Variants in MAD1L1 observed in about 807,000 individuals in gnomAD.
The protein encoded by MAD1L1 is mitotic spindle assembly checkpoint protein MAD1.
MAD1L1 carries 95 observed loss-of-function variants against 96.9 expected under a neutral mutation model. The ratio of observed to expected loss-of-function variants is 0.98; its 90% confidence interval spans 0.83 to 1.16. MAD1L1 has a LOEUF of 1.16. Ranked by LOEUF, MAD1L1 falls within the 50% of genes most tolerant of loss-of-function variation. The pLI is 0.00. For missense variants in MAD1L1, 1,007 were observed against 954.4 expected (o/e 1.06, Z -0.73); for synonymous variants, 473 against 396.6 (o/e 1.19, Z -2.29).
intron 14 of MAD1L1, among the ~76,000 whole-genome samples, chr7:1,982,878 T>C (rs1386248415): frequency 1.3e-5 from 2 of 152,192 alleles, no homozygotes; most frequent in African/African-American, 2.4e-5. Context: ...ATTACCCATA[T>C]ATTCCTATTT....
Position 1,936,908 on chromosome 7 carries a change from A to G in MAD1L1, c.1597-11T>C, listed in dbSNP as rs1422796526. On this transcript the variant is annotated splice_polypyrimidine_tract_variant and intron_variant, in intron 16 of 18. Coordinates refer to ENST00000265854, the MANE Select transcript of MAD1L1 (RefSeq NM_001013836.2). Reference sequence around the variant, plus strand: ...CTGGTCATAGTCACCCTGCAGGAACACACACAGCACAGGTCACCATGGCCC... The same window carrying G: ...CTGGTCATAGTCACCCTGCAGGAACGCACACAGCACAGGTCACCATGGCCC... 1 of 1,575,420 alleles carries G rather than the reference A, an allele frequency of 6.3e-7. No homozygotes were observed. Among genetic ancestry groups the G allele is most frequent in the Admixed American group, 1.8e-5 (1 of 55,294 alleles).
intron 18 of MAD1L1, among the ~76,000 whole-genome samples, chr7:1,859,124 C>T (rs909133308): frequency 1.5e-5 from 2 of 133,432 alleles, no homozygotes; most frequent in Non-Finnish European, 3.4e-5. Flanking sequence ...CCACACACAA[C>T]CCCACACGCA....
At chr7:1,817,617 G>A (rs1379003948) in intron 18 of MAD1L1, 2 of 152,286 alleles carry the variant, frequency 1.3e-5, no homozygotes, top group African/African-American at 2.4e-5. Flanking sequence ...GTGGAAATGT[G>A]CCACGGTTAG....
intron 14 of MAD1L1, among the ~76,000 whole-genome samples, chr7:1,987,545 T>C (rs1217224359): frequency 2.0e-5 from 3 of 151,046 alleles, no homozygotes; most frequent in African/African-American, 7.3e-5. Context: ...CATATCAGTA[T>C]TTAAGGGAAG....
intron 16 of MAD1L1, among the ~76,000 whole-genome samples, chr7:1,950,564 G>A (rs1473818486): frequency 6.6e-6 from 1 of 152,228 alleles, no homozygotes; most frequent in Non-Finnish European, 1.5e-5. Context: ...CAGAAGGGTT[G>A]GACAACAGTG....
intron 14 of MAD1L1, among the ~76,000 whole-genome samples, chr7:1,999,816 A>G (rs971033287): frequency 2.6e-5 from 4 of 152,174 alleles, no homozygotes; most frequent in African/African-American, 9.7e-5. Context: ...CGCCGGCCGC[A>G]GGGCCCAGGG....
At chr7:1,916,860 G>T (rs1263761622) in intron 17 of MAD1L1, among the ~76,000 whole-genome samples, 2 of 151,900 alleles carry the variant, frequency 1.3e-5, no homozygotes, top group South Asian at 2.1e-4. Context: ...CGACCCTGGC[G>T]CATCTCCCGA....
intron 18 of MAD1L1, among the ~76,000 whole-genome samples, chr7:1,897,783 G>A (rs963497774): frequency 5.3e-5 from 8 of 152,292 alleles, no homozygotes; most frequent in African/African-American, 1.4e-4. Flanking sequence ...CTGGGACTGC[G>A]CTGTCCCACT....
At chr7:2,079,819 C>T (rs1253534448) in intron 11 of MAD1L1, 1 of 464,368 alleles carries the variant, frequency 2.2e-6, no homozygotes, top group Admixed American at 2.4e-5. Context: ...ATGAGAACTG[C>T]AGAGACAAGG....
At chr7:1,897,108 G>C (rs923268678) in intron 18 of MAD1L1, among the ~76,000 whole-genome samples, 44 of 151,384 alleles carry the variant, frequency 2.9e-4, no homozygotes, top group African/African-American at 1.1e-3. Flanking sequence ...GTGCCCCCGT[G>C]CAGCGCAGGC....
chr7:1,829,214 C>T (rs150133051), intron 18 of MAD1L1, among the ~76,000 whole-genome samples: 113 of 152,362 alleles, frequency 7.4e-4, no homozygotes, highest in Non-Finnish European at 1.2e-3. Flanking sequence ...AGGCACCACC[C>T]GCATCAGCGC....
rs1475159298 is a variant in MAD1L1, at chr7:2,088,641, G to A, written c.1074-19303C>T. ...AGTGGCCATGAGCGAGAGGCAGCAA[G>A]GGGACGGGTGGAGGGAGTGCCATCT... On this transcript the variant is annotated intron_variant, in intron 11 of 18. Coordinates refer to ENST00000265854, the MANE Select transcript of MAD1L1 (RefSeq NM_001013836.2). This position sits in a 1 kb window ranked among gnomAD's most constrained non-coding sequence, Gnocchi z 4.4. Among the ~76,000 whole-genome samples the A allele has an allele frequency of 1.3e-5, 2 of 152,218 alleles. No individual in the cohort carries two copies. Among genetic ancestry groups the A allele is most frequent in the African/African-American group, 2.4e-5 (1 of 41,456 alleles).
chr7:1,863,746 TC>T (rs1273946655), intron 18 of MAD1L1, among the ~76,000 whole-genome samples: 2 of 152,106 alleles, frequency 1.3e-5, no homozygotes, highest in African/African-American at 4.8e-5. Flanking sequence ...CACCGTGGGC[TC>T]CCGTGCTCCT....
chr7:2,057,867 A>G (rs17132109), intron 12 of MAD1L1, among the ~76,000 whole-genome samples: 19,980 of 152,194 alleles, frequency 0.13, 1,890 homozygotes, highest in African/African-American at 0.26. Context: ...TGGATTACCA[A>G]AGCGCCCGTC....
intron 14 of MAD1L1, among the ~76,000 whole-genome samples, chr7:1,981,580 C>A (rs1273104591): frequency 1.3e-5 from 2 of 152,126 alleles, no homozygotes; most frequent in Non-Finnish European, 2.9e-5. Context: ...CCCACCAGTC[C>A]TGACCCACTC....
intron 11 of MAD1L1, among the ~76,000 whole-genome samples, chr7:2,105,272 G>A (rs1335827721): frequency 1.3e-5 from 2 of 152,162 alleles, no homozygotes; most frequent in East Asian, 3.9e-4. Context: ...GCTTCAGGTG[G>A]TCACAGCCTG....
chr7:1,819,701 G>GGAGT (rs1782025272), intron 18 of MAD1L1, among the ~76,000 whole-genome samples: 2 of 152,134 alleles, frequency 1.3e-5, no homozygotes, highest in Admixed American at 6.5e-5. Context: ...CAAGAGGCAC[G>GGAGT]GAGTGAGGGA....
At chr7:2,125,976 G>A (rs1230169403) in intron 11 of MAD1L1, among the ~76,000 whole-genome samples, 2 of 152,264 alleles carry the variant, frequency 1.3e-5, no homozygotes, top group Admixed American at 1.3e-4. Context: ...GTGAGAAAGT[G>A]AGTGGGGCCA....
chr7:2,111,431 G>A (rs1314267623), intron 11 of MAD1L1, among the ~76,000 whole-genome samples: 1 of 152,204 alleles, frequency 6.6e-6, no homozygotes, highest in Non-Finnish European at 1.5e-5. Context: ...GAATGAATGA[G>A]GTACAGTCTT....
Sources: allele counts gnomAD v4.1 joint callset (sites outside exome capture counted in the v4.1 genomes callset), GRCh38; gene constraint gnomAD v4.1.1; non-coding constraint Gnocchi (gnomAD v3.1); transcripts MANE v1.5; gene names NCBI Gene and HGNC (gene_info 2026-07-23, HGNC 2026-07-21).